Variants in CTNND2 observed in about 807,000 individuals in gnomAD.
CTNND2 encodes the protein catenin delta 2, also known as catenin delta-2.
A neutral mutation model predicts 144.4 loss-of-function variants in CTNND2; 22 were observed. The ratio of observed to expected loss-of-function variants is 0.15; its 90% confidence interval spans 0.11 to 0.22. CTNND2 has a LOEUF of 0.22. Ranked by LOEUF, CTNND2 falls within the 10% of genes least tolerant of loss-of-function variation. CTNND2 has a pLI of 1.00. For synonymous variants in CTNND2, 751 were observed against 695.6 expected, an observed-to-expected ratio of 1.08 and a Z score of -1.25; for missense variants, 1,353 against 1,618.8, an observed-to-expected ratio of 0.84 and a Z score of 2.82.
chr5:11,508,172 G>A (rs1349318944), intron 3 of CTNND2, among the ~76,000 whole-genome samples: 1 of 152,152 alleles, frequency 6.6e-6, no homozygotes, highest in African/African-American at 2.4e-5. Context: ...TTCAGCTACT[G>A]TAAACAGCTG....
At chr5:11,282,386 T>G (rs1176988465) in intron 9 of CTNND2, among the ~76,000 whole-genome samples, 1 of 152,118 alleles carries the variant, frequency 6.6e-6, no homozygotes, top group African/African-American at 2.4e-5. Flanking sequence ...TGATACCCTC[T>G]CTCTCCTAGC....
intron 12 of CTNND2, among the ~76,000 whole-genome samples, chr5:11,140,271 A>G (rs771761531): frequency 3.9e-5 from 6 of 152,192 alleles, no homozygotes; most frequent in Non-Finnish European, 8.8e-5. Flanking sequence ...CAACCTGTCC[A>G]GGGCAAAGGA....
chr5:11,604,703 C>G (rs1263201350), intron 2 of CTNND2, among the ~76,000 whole-genome samples: 3 of 152,156 alleles, frequency 2.0e-5, no homozygotes, highest in African/African-American at 7.2e-5. Context: ...CTGATATTAC[C>G]TGGACTCAAT....
intron 1 of CTNND2, among the ~76,000 whole-genome samples, chr5:11,885,184 A>T (rs1736427885): frequency 6.6e-6 from 1 of 152,238 alleles, no homozygotes; most frequent in South Asian, 2.1e-4. Flanking sequence ...TCATAGAATG[A>T]GATTGGAAAA....
chr5:11,558,376 GTGTGTGAC>G (rs748653154), intron 3 of CTNND2, among the ~76,000 whole-genome samples: 2,374 of 48,842 alleles, frequency 0.049, 29 homozygotes, highest in East Asian at 0.11. Flanking sequence ...GTGTGTGTGT[GTGTGTGAC>G]ACACAAGGTC....
In CTNND2 at chr5:11,174,984, C is replaced by A. The variant is rs553521166; in HGVS notation, c.1976-15225G>T. Reference sequence around the variant, plus strand: ...TTGAATATGCTGAACACAGGTAATGCATTTATCTATTAACTAACCCTTAGG... The same window carrying A: ...TTGAATATGCTGAACACAGGTAATGAATTTATCTATTAACTAACCCTTAGG... On this transcript the variant is annotated intron_variant, in intron 11 of 21. Transcript: ENST00000304623. Among the ~76,000 whole-genome samples, 10 of 152,290 alleles carry A rather than the reference C, an allele frequency of 6.6e-5. No individual in the cohort carries two copies. The South Asian group carries it at 2.1e-3, about 32-fold the overall frequency.
intron 1 of CTNND2, among the ~76,000 whole-genome samples, chr5:11,841,378 A>G (rs1370622111): frequency 6.6e-6 from 1 of 152,186 alleles, no homozygotes; most frequent in Non-Finnish European, 1.5e-5. Context: ...ATAAGTCATT[A>G]CAGTTAAATA....
intron 3 of CTNND2, among the ~76,000 whole-genome samples, chr5:11,537,749 AC>A (rs1774353186): frequency 6.6e-6 from 1 of 152,248 alleles, no homozygotes; most frequent in Non-Finnish European, 1.5e-5. Flanking sequence ...AAAGTATAGT[AC>A]CAGCTTTAGT....
At chr5:11,667,638 T>C (rs1373184903) in intron 2 of CTNND2, among the ~76,000 whole-genome samples, 1 of 152,250 alleles carries the variant, frequency 6.6e-6, no homozygotes, top group African/African-American at 2.4e-5. Context: ...TAAACTTGTT[T>C]AAGTTCTTTG....
chr5:11,585,761 G>C (rs1778808261), intron 2 of CTNND2, among the ~76,000 whole-genome samples: 1 of 150,554 alleles, frequency 6.6e-6, no homozygotes, highest in African/African-American at 2.5e-5. Flanking sequence ...GAATAATTAA[G>C]AACAGCGTCA....
At chr5:11,434,562 T>C (rs1417491053) in intron 3 of CTNND2, among the ~76,000 whole-genome samples, 13 of 152,080 alleles carry the variant, frequency 8.5e-5, no homozygotes, top group Non-Finnish European at 1.8e-4. Context: ...CACAATAAAC[T>C]ATTTAGGGGG....
At position 11,802,626 on chromosome 5, in the gene CTNND2, T is replaced by C. The variant is rs79677794; in HGVS notation, c.38-70354A>G. 3.7e-4 allele frequency among the ~76,000 whole-genome samples: 57 copies of C among 152,276 alleles called. 2 individuals are homozygous for C. In the East Asian group the frequency reaches 0.011, roughly 29 times the overall value. On this transcript the variant is annotated intron_variant, in intron 1 of 21. Coordinates refer to ENST00000304623, the MANE Select transcript of CTNND2 (RefSeq NM_001332.4). Reference sequence around the variant, plus strand: ...TGTAAGTATTTCAGTTAATTATGACTTGTTACCTTGTTACAGTGTATACAC... The same window carrying C: ...TGTAAGTATTTCAGTTAATTATGACCTGTTACCTTGTTACAGTGTATACAC...
At chr5:11,760,743 T>C (rs1377142788) in intron 1 of CTNND2, among the ~76,000 whole-genome samples, 1 of 152,104 alleles carries the variant, frequency 6.6e-6, no homozygotes, top group African/African-American at 2.4e-5. Context: ...CCTATACAGT[T>C]AGTGAACACA....
Position 11,098,671 on chromosome 5 carries a change from G to A in CTNND2, c.2541C>T (p.Val847=). 1 of 1,614,156 alleles carries A rather than the reference G, an allele frequency of 6.2e-7. No homozygotes were observed. Among genetic ancestry groups the A allele is most frequent in the Non-Finnish European group, 8.5e-7 (1 of 1,180,000 alleles). The stretch of plus-strand genomic sequence containing the variant: ...CAGAGAGCAGTGTGAGGTAGGGTTT[G>A]ACTATTGATGGGTGCCACAGCATCT... ...GIQMLWHPSI[V]KPYLTLLSEC... The change falls in exon 15 of 22, where the codon GTC becomes GTT. Residue 847 remains valine, a synonymous_variant. Transcript: ENST00000304623.
intron 2 of CTNND2, among the ~76,000 whole-genome samples, chr5:11,714,681 C>T (rs1382285745): frequency 2.6e-5 from 4 of 151,834 alleles, no homozygotes; most frequent in South Asian, 2.1e-4. Context: ...CCGAGGCGGG[C>T]GGATCAAGAG....
chr5:11,792,577 C>G (rs570191683), intron 1 of CTNND2, among the ~76,000 whole-genome samples: 5 of 152,292 alleles, frequency 3.3e-5, no homozygotes, highest in African/African-American at 1.2e-4. Context: ...TATTTAAATA[C>G]AAGTACAGCA....
chr5:11,571,929 A>G (rs558453038), intron 2 of CTNND2, among the ~76,000 whole-genome samples: 1 of 152,296 alleles, frequency 6.6e-6, no homozygotes, highest in African/African-American at 2.4e-5. Flanking sequence ...TGCTTTAAGT[A>G]ACCCTAAAAA....
chr5:11,538,358 T>C (rs187602485), intron 3 of CTNND2, among the ~76,000 whole-genome samples: 30 of 152,326 alleles, frequency 2.0e-4, no homozygotes, highest in Admixed American at 5.2e-4. Context: ...CAACAAGTAA[T>C]GCCCATTAAA....
chr5:11,433,462 G>A (rs909968082), intron 3 of CTNND2, among the ~76,000 whole-genome samples: 1 of 152,144 alleles, frequency 6.6e-6, no homozygotes, highest in African/African-American at 2.4e-5. Context: ...GGAAATACCC[G>A]AGGCTGGGTA....
Sources: gnomAD v4.1 joint callset for allele counts (sites outside exome capture counted in the v4.1 genomes callset) on GRCh38, gnomAD v4.1.1 for gene constraint, MANE v1.5 for transcripts, NCBI Gene and HGNC (gene_info 2026-07-23, HGNC 2026-07-21) for gene names.